POPDC1: variants seen among roughly 807,000 people sequenced by gnomAD.
The protein encoded by POPDC1 is popeye domain-containing protein 1.
At chr6:105,129,547 C>G in the POPDC1 span, 1 of 1,567,890 alleles carries the variant, frequency 6.4e-7, no homozygotes, top group Non-Finnish European at 8.7e-7. Flanking sequence ...CTAGAAGAGC[C>G]TAAGTGGGGA....
the POPDC1 span, chr6:105,101,144 T>C: frequency 5.6e-6 from 9 of 1,613,834 alleles, no homozygotes; most frequent in Non-Finnish European, 7.6e-6. Context: ...AAAAACGTCA[T>C]CATCATCTTC....
the POPDC1 span, among the ~76,000 whole-genome samples, chr6:105,131,734 T>C: frequency 6.6e-6 from 1 of 152,188 alleles, no homozygotes; most frequent in African/African-American, 2.4e-5. Context: ...TCTTTCTGCA[T>C]TTACAGAATA....
the POPDC1 span, among the ~76,000 whole-genome samples, chr6:105,122,146 G>A: frequency 6.6e-6 from 1 of 152,134 alleles, no homozygotes; most frequent in Non-Finnish European, 1.5e-5. Flanking sequence ...GGAACATTTT[G>A]TAAACAATCA....
At chr6:105,129,613 G>T in the POPDC1 span, 1 of 1,125,284 alleles carries the variant, frequency 8.9e-7, no homozygotes, top group Non-Finnish European at 1.2e-6. Context: ...TTCTGAAGGT[G>T]ATACTTTGCA....
chr6:105,136,931 G>A, the POPDC1 span: 4 of 152,306 alleles, frequency 2.6e-5, no homozygotes, highest in African/African-American at 4.8e-5. Context: ...ACCCGGCGCG[G>A]GGGGAAAGCC....
chr6:105,125,621 A>C, the POPDC1 span: 2 of 1,578,122 alleles, frequency 1.3e-6, no homozygotes, highest in Non-Finnish European at 1.7e-6. Flanking sequence ...ATGCAGCAGC[A>C]ATCCCAAAAC....
chr6:105,117,766 G>T, the POPDC1 span, among the ~76,000 whole-genome samples: 1 of 152,222 alleles, frequency 6.6e-6, no homozygotes, highest in Non-Finnish European at 1.5e-5. Flanking sequence ...CAGGGATTGT[G>T]TATCTTCACG....
the POPDC1 span, among the ~76,000 whole-genome samples, chr6:105,116,354 G>A: frequency 4.4e-4 from 67 of 152,214 alleles, no homozygotes; most frequent in African/African-American, 1.5e-3. Flanking sequence ...CTTCCTGATC[G>A]CTGGGGTCTG....
At chr6:105,115,737 C>T in the POPDC1 span, 1 of 1,614,168 alleles carries the variant, frequency 6.2e-7, no homozygotes, top group Non-Finnish European at 8.5e-7. Flanking sequence ...AAGCCGTCGT[C>T]ACTGTCACTG....
the POPDC1 span, among the ~76,000 whole-genome samples, chr6:105,107,806 G>C: frequency 2.3e-3 from 351 of 152,154 alleles, 2 homozygotes; most frequent in Non-Finnish European, 4.0e-3. Context: ...GGATTTAATG[G>C]CTTTTTTTTT....
chr6:105,103,797 A>G, the POPDC1 span, among the ~76,000 whole-genome samples: 4 of 152,162 alleles, frequency 2.6e-5, no homozygotes, highest in African/African-American at 4.8e-5. Context: ...TGGAGCCACA[A>G]TGGTATCTGA....
the POPDC1 span, chr6:105,100,369 G>A: frequency 6.6e-6 from 1 of 151,568 alleles, no homozygotes; most frequent in Admixed American, 6.6e-5. Context: ...AATTAGCTGG[G>A]CGCGGTGGCA....
At chr6:105,101,428 G>A in the POPDC1 span, among the ~76,000 whole-genome samples, 1 of 152,186 alleles carries the variant, frequency 6.6e-6, no homozygotes, top group South Asian at 2.1e-4. Flanking sequence ...GAGCACAGAT[G>A]AGGGACAGAT....
chr6:105,103,591 A>G, the POPDC1 span, among the ~76,000 whole-genome samples: 1 of 152,236 alleles, frequency 6.6e-6, no homozygotes, highest in Non-Finnish European at 1.5e-5. Flanking sequence ...AACAAACAAT[A>G]AGATGGCATG....
At chr6:105,116,294 C>T in the POPDC1 span, among the ~76,000 whole-genome samples, 1 of 152,150 alleles carries the variant, frequency 6.6e-6, no homozygotes, top group Admixed American at 6.5e-5. Flanking sequence ...CACTTTCTCG[C>T]CTGACCTGAA....
the POPDC1 span, among the ~76,000 whole-genome samples, chr6:105,110,301 C>T: frequency 1.3e-5 from 2 of 152,206 alleles, no homozygotes; most frequent in African/African-American, 2.4e-5. Context: ...ACACTTTACT[C>T]ATCTATAAAA....
the POPDC1 span, among the ~76,000 whole-genome samples, chr6:105,123,213 G>A: frequency 6.6e-6 from 1 of 152,116 alleles, no homozygotes; most frequent in African/African-American, 2.4e-5. Flanking sequence ...TTGCCCACAA[G>A]CAATCCCATT....
chr6:105,109,223 G>T, the POPDC1 span, among the ~76,000 whole-genome samples: 1 of 152,122 alleles, frequency 6.6e-6, no homozygotes, highest in Non-Finnish European at 1.5e-5. Flanking sequence ...CTCCCAAAGT[G>T]CGGGGACTAT....
chr6:105,112,026 G>C, the POPDC1 span, among the ~76,000 whole-genome samples: 1 of 152,074 alleles, frequency 6.6e-6, no homozygotes, highest in South Asian at 2.1e-4. Context: ...CCAGAAGGTG[G>C]GAAATTCTAC....
Sources: gnomAD v4.1 joint callset for allele counts (sites outside exome capture counted in the v4.1 genomes callset) on GRCh38, gnomAD v4.1.1 for gene constraint, MANE v1.5 for transcripts, NCBI Gene and HGNC (gene_info 2026-07-23, HGNC 2026-07-21) for gene names.